The following GPHN variants were observed in gnomAD, a reference collection of about 807,000 sequenced individuals.
The protein encoded by GPHN is gephyrin.
Under a neutral mutation model 95.5 loss-of-function variants are expected in GPHN, and 17 were observed. That is an observed-to-expected ratio of 0.18 (90% CI 0.12 to 0.27). The LOEUF is 0.27. GPHN is among the 10% of genes least tolerant of loss of function. The pLI, the probability that GPHN is intolerant of heterozygous loss-of-function variation, is 1.00. For synonymous variants in GPHN, 320 were observed against 322.5 expected (o/e 0.99, Z 0.08); for missense variants, 660 against 978.1 (o/e 0.67, Z 4.34).
chr14:66,944,097 A>T (rs1047007248), intron 8 of GPHN, among the ~76,000 whole-genome samples: 4 of 152,240 alleles, frequency 2.6e-5, no homozygotes, highest in Non-Finnish European at 5.9e-5. Flanking sequence ...GGCCATTTAA[A>T]TATACCTATA....
intron 2 of GPHN, among the ~76,000 whole-genome samples, chr14:66,705,008 A>G (rs116889151): frequency 0.015 from 2,279 of 152,310 alleles, no homozygotes; most frequent in Middle Eastern, 0.044. Context: ...ACAGAGATAC[A>G]AACTACCATT....
Position 67,164,533 on chromosome 14 carries a change from G to A in GPHN, c.1911-629G>A, listed in dbSNP as rs189722556. Among the ~76,000 whole-genome samples, 41 of 151,574 alleles carry A rather than the reference G, an allele frequency of 2.7e-4. No individual in the cohort carries two copies. In the East Asian group the frequency reaches 5.5e-3, roughly 20 times the overall value. ...TTTTGAGATGGAGTCTTGCTCTGTC[G>A]CCCAGGCTGGCGTGCAGTGGCCATC... On this transcript the variant is annotated intron_variant, in intron 19 of 22. Coordinates refer to ENST00000478722, the MANE Select transcript of GPHN (RefSeq NM_020806.5).
the GPHN span, chr14:67,208,335 C>A: frequency 6.2e-7 from 1 of 1,613,928 alleles, no homozygotes; most frequent in Middle Eastern, 1.6e-4. Context: ...TATTTTCAAA[C>A]TACCTTGACC....
chr14:66,620,605 G>T (rs945654873), intron 1 of GPHN, among the ~76,000 whole-genome samples: 1 of 152,246 alleles, frequency 6.6e-6, no homozygotes, highest in East Asian at 1.9e-4. Flanking sequence ...CGTGGGAATT[G>T]TAGGAGTTAC....
chr14:67,412,146 G>T, the GPHN span: 2 of 1,184,536 alleles, frequency 1.7e-6, no homozygotes, highest in African/African-American at 1.6e-5. Flanking sequence ...CGCAGTCCGC[G>T]CCCACGGCGC....
chr14:66,576,523 A>T (rs2060906966), intron 1 of GPHN, among the ~76,000 whole-genome samples: 1 of 152,002 alleles, frequency 6.6e-6, no homozygotes, highest in South Asian at 2.1e-4. Context: ...TAATAATGCC[A>T]ATAATATCTC....
At chr14:66,748,957 T>A (rs2058264473) in intron 2 of GPHN, among the ~76,000 whole-genome samples, 1 of 151,958 alleles carries the variant, frequency 6.6e-6, no homozygotes, top group Admixed American at 6.6e-5. Flanking sequence ...CAAACTGTAG[T>A]ATAATCTAGA....
At chr14:67,095,966 C>CAAAAAAAAAAAAAAAAAAAAAAAAAGGA in intron 12 of GPHN, among the ~76,000 whole-genome samples, 1 of 67,086 alleles carries the variant, frequency 1.5e-5, no homozygotes, top group Non-Finnish European at 3.6e-5. Flanking sequence ...AAGAAAAAGG[C>CAAAAAAAAAAAAAAAAAAAAAAAAAGGA]AAAAAAAAAA....
chr14:66,536,692 G>A (rs1289053770), intron 1 of GPHN, among the ~76,000 whole-genome samples: 2 of 152,174 alleles, frequency 1.3e-5, no homozygotes, highest in African/African-American at 4.8e-5. Flanking sequence ...ATTTGTGATT[G>A]ATAGATTCAT....
the GPHN span, among the ~76,000 whole-genome samples, chr14:67,672,076 G>C: frequency 1.4e-4 from 22 of 151,882 alleles, 1 homozygote; most frequent in Admixed American, 1.3e-3. Context: ...TTATAGAAAT[G>C]GGCATTGCAA....
intron 21 of GPHN, among the ~76,000 whole-genome samples, chr14:67,169,439 A>G (rs2082472735): frequency 6.6e-6 from 1 of 152,232 alleles, no homozygotes; most frequent in Admixed American, 6.5e-5. Context: ...TGTGACTTCA[A>G]CGATAAATTT....
At chr14:66,882,046 A>G (rs2063955421) in intron 5 of GPHN, among the ~76,000 whole-genome samples, 1 of 151,860 alleles carries the variant, frequency 6.6e-6, no homozygotes, top group Non-Finnish European at 1.5e-5. Flanking sequence ...TATAATAGCC[A>G]TCATTAGATT....
chr14:66,906,983 G>T (rs2065412357), intron 5 of GPHN, among the ~76,000 whole-genome samples: 1 of 152,118 alleles, frequency 6.6e-6, no homozygotes, highest in Non-Finnish European at 1.5e-5. Context: ...TTGTGTTGCT[G>T]AGTTCTTCTA....
chr14:67,586,200 C>A, the GPHN span: 1 of 1,353,058 alleles, frequency 7.4e-7, no homozygotes, highest in Non-Finnish European at 1.0e-6. Flanking sequence ...AAGGGCCCTG[C>A]CCAGATAAAA....
the GPHN span, among the ~76,000 whole-genome samples, chr14:67,222,221 A>G: frequency 6.6e-6 from 1 of 152,202 alleles, no homozygotes; most frequent in Non-Finnish European, 1.5e-5. Context: ...ATGTAAAATT[A>G]TCCAGCTCCT....
chr14:66,825,635 C>CAAACTTTGAGAACTGCTGCTCT (rs370601870), intron 4 of GPHN, among the ~76,000 whole-genome samples: 2,378 of 152,188 alleles, frequency 0.016, 33 homozygotes, highest in Non-Finnish European at 0.018. Flanking sequence ...ACCATATTTT[C>CAAACTTTGAGAACTGCTGCTCT]ACTATATGAA....
chr14:66,979,315 T>G (rs1034576278), intron 9 of GPHN, among the ~76,000 whole-genome samples: 18 of 152,180 alleles, frequency 1.2e-4, no homozygotes, highest in African/African-American at 3.9e-4. Flanking sequence ...TAAGGCTGTT[T>G]TATCTACACT....
At chr14:67,454,586 G>T in the GPHN span, 1 of 152,122 alleles carries the variant, frequency 6.6e-6, no homozygotes, top group Non-Finnish European at 1.5e-5. Context: ...AACACAAATG[G>T]GCATCTCTCA....
chr14:67,597,789 G>A, the GPHN span, among the ~76,000 whole-genome samples: 118,208 of 151,618 alleles, frequency 0.78, 46,302 homozygotes, highest in Middle Eastern at 0.84. Flanking sequence ...AAAGCACACA[G>A]GAATATCCCA....
Sources: allele counts gnomAD v4.1 joint callset (sites outside exome capture counted in the v4.1 genomes callset), GRCh38; gene constraint gnomAD v4.1.1; transcripts MANE v1.5; gene names NCBI Gene and HGNC (gene_info 2026-07-23, HGNC 2026-07-21).